MYCBPAP: variants seen among roughly 807,000 people sequenced by gnomAD.
The protein encoded by MYCBPAP is MYCBP-associated protein.
A neutral mutation model predicts 106.1 loss-of-function variants in MYCBPAP; 60 were observed. The observed-to-expected ratio is 0.57, with a 90% CI of 0.46 to 0.70. The LOEUF is 0.70. Ranked by LOEUF, MYCBPAP falls within the 30% of genes least tolerant of loss-of-function variation. The pLI is 0.00. For synonymous variants in MYCBPAP, 407 were observed against 440.6 expected (o/e 0.92, Z 0.95); for missense variants, 1,064 against 1,169.3 (o/e 0.91, Z 1.31).
intron 13 of MYCBPAP, 37 bp downstream of exon 13, chr17:50,525,060 G>A: frequency 6.3e-7 from 1 of 1,587,558 alleles, no homozygotes; most frequent in Admixed American, 1.7e-5. Context: ...CCTCATGTGT[G>A]CCCTGCGTCA....
At chr17:50,510,931 T>C (rs2033823791) in intron 1 of MYCBPAP, among the ~76,000 whole-genome samples, 1 of 151,980 alleles carries the variant, frequency 6.6e-6, no homozygotes, top group African/African-American at 2.4e-5. Flanking sequence ...TTCTGGGAGA[T>C]CGTATCAGAT....
Position 50,519,758 on chromosome 17 carries a change from G to C in MYCBPAP, c.887G>C (p.Arg296Thr). The change falls in exon 7 of 19, where the codon AGG (arginine) becomes ACG (threonine). Residue 296 changes from arginine (R) to threonine (T), a missense_variant. Arg to Thr is a moderately conservative substitution (Grantham distance 71). Transcript: ENST00000323776. ...CTCATGGAGCCCATCACTCACATCA[G>C]GAAGCCCCACTCCATCCGGGTGGAG... ...RGLMEPITHIRKPHSIRVETG... is the reference protein window; with the variant it reads ...RGLMEPITHITKPHSIRVETG... 6.2e-7 allele frequency: 1 copy of C among 1,614,016 alleles called. No individual in the cohort carries two copies. The highest frequency in any genetic ancestry group is 1.7e-5 in the Admixed American group (1 of 60,010).
intron 1 of MYCBPAP, 47 bp downstream of exon 1, chr17:50,508,797 G>A (rs144513622): frequency 3.2e-4 from 485 of 1,530,946 alleles, no homozygotes; most frequent in Middle Eastern, 1.0e-3. Flanking sequence ...GAGAGGGGAA[G>A]CGGTCCCCGG....
intron 9 of MYCBPAP, 59 bp from the exon 10 acceptor site, chr17:50,521,914 T>C: frequency 6.6e-7 from 1 of 1,516,436 alleles, no homozygotes; most frequent in Non-Finnish European, 9.1e-7. Context: ...TTCTGTGGGG[T>C]TCCACATGGC....
chr17:50,526,591 A>AT (rs11313067), intron 14 of MYCBPAP, among the ~76,000 whole-genome samples: 36 of 149,198 alleles, frequency 2.4e-4, no homozygotes, highest in Admixed American at 7.3e-4. Context: ...CACCTGGCTA[A>AT]TTTTTTTTTT....
Position 50,518,632 on chromosome 17 carries a change from G to C in MYCBPAP, c.560G>C (p.Arg187Thr). The change falls in exon 5 of 19, where the codon AGA becomes ACA. Residue 187 changes from arginine to threonine, a missense_variant. Transcript: ENST00000323776. ...SKQKAPKEEK[R>T]PPWAPPPQHN... is the part of the protein sequence containing the mutation. ...CAAAAAGCCCCAAAAGAAGAGAAGA[G>C]ACCTCCCTGGGCCCCACCTCCTCAG... The C allele has an allele frequency of 6.2e-7, 1 of 1,611,574 alleles. No individual in the cohort carries two copies.
At position 50,519,668 on chromosome 17, in the gene MYCBPAP, G is replaced by A. The variant is rs532588398; in HGVS notation, c.797G>A (p.Arg266Gln). ...TGGGAGAACAGTGGGTTCTGGAGTC[G>A]ACTGGAATACTTGGGAGATGAGATG... ...KSWENSGFWS[R>Q]LEYLGDEMTG... is the part of the protein sequence containing the mutation. The change falls in exon 7 of 19, where the codon CGA becomes CAA. Residue 266 changes from arginine (R) to glutamine (Q), a missense_variant. Physicochemically the swap from Arg to Gln is conservative, Grantham distance 43 (BLOSUM62 1). Coordinates refer to ENST00000323776, the MANE Select transcript of MYCBPAP (RefSeq NM_032133.6). 1.1e-5 allele frequency: 18 copies of A among 1,614,074 alleles called. No individual in the cohort carries two copies. The East Asian group carries it at 1.3e-4, about 12-fold the overall frequency.
rs573813290 is a variant in MYCBPAP, at chr17:50,508,472, G to A, written c.-203G>A. 6.2e-5 allele frequency: 89 copies of A among 1,438,680 alleles called. No individual in the cohort carries two copies. The African/African-American group carries it at 8.2e-4, about 13-fold the overall frequency. The allele number at this position is 1,438,680 out of a possible 1,614,324, so 89.1% of individuals were successfully genotyped here. ...CTAGGGGTCCGTCGCTCTTGAAGCC[G>A]CCGGCGGCGGGCGCGTGCGCGGCCC... On this transcript the variant is annotated 5_prime_UTR_variant, in exon 1 of 19. Transcript: ENST00000323776.
rs186223321 is a variant in MYCBPAP at position 50,513,113 on chromosome 17, G to A, written c.77-3457G>A. On this transcript the variant is annotated intron_variant, in intron 1 of 18. Coordinates refer to ENST00000323776, the MANE Select transcript of MYCBPAP (RefSeq NM_032133.6). ...CATGCCTGTAATCCCAACTACTTGGGAGGCTGAGGCAGGAGAATCGCTTGA... is the reference window on the plus strand; with the variant it reads ...CATGCCTGTAATCCCAACTACTTGGAAGGCTGAGGCAGGAGAATCGCTTGA... Among the ~76,000 whole-genome samples the A allele has an allele frequency of 1.5e-3, 225 of 151,874 alleles. 1 individual carries two copies. Among genetic ancestry groups the A allele is most frequent in the African/African-American group, 5.2e-3 (216 of 41,370 alleles).
chr17:50,527,560 C>G (rs1390065566), intron 15 of MYCBPAP, 152 bp downstream of exon 15: 1 of 949,978 alleles, frequency 1.1e-6, no homozygotes, highest in South Asian at 1.7e-5. Flanking sequence ...TTCTGGAACC[C>G]TGCAGTGCCT....
At chr17:50,527,234 A>G in intron 14 of MYCBPAP, 53 bp from the exon 15 acceptor site, 1 of 1,607,788 alleles carries the variant, frequency 6.2e-7, no homozygotes, top group Non-Finnish European at 8.5e-7. Context: ...GCCCTTCACT[A>G]GAGGACACAG....
chr17:50,513,922 C>T (rs1170066360), intron 1 of MYCBPAP, among the ~76,000 whole-genome samples: 1 of 152,206 alleles, frequency 6.6e-6, no homozygotes, highest in Non-Finnish European at 1.5e-5. Flanking sequence ...CGGGGTTCAG[C>T]CGGCAGCCCT....
chr17:50,531,171 A>C (rs1221490137), intron 18 of MYCBPAP, among the ~76,000 whole-genome samples, 156 bp from the exon 19 acceptor site: 3 of 152,246 alleles, frequency 2.0e-5, no homozygotes, highest in Non-Finnish European at 4.4e-5. Context: ...AAATCTGCAA[A>C]ACCAAAAATT....
In MYCBPAP at chr17:50,517,585, A is replaced by T. The variant is rs376131520; in HGVS notation, c.365-10A>T. ...CAGCTTCTTTCCCCTTTCTTCTTTTATCCTCCCAGGTCCCGGTGACAGCTT... is the reference window on the plus strand; with the variant it reads ...CAGCTTCTTTCCCCTTTCTTCTTTTTTCCTCCCAGGTCCCGGTGACAGCTT... On this transcript the variant is annotated splice_polypyrimidine_tract_variant and intron_variant, in intron 3 of 18. Coordinates refer to ENST00000323776, the MANE Select transcript of MYCBPAP (RefSeq NM_032133.6). The T allele has an allele frequency of 2.8e-4, 447 of 1,613,656 alleles. 1 individual carries two copies. Among genetic ancestry groups the T allele is most frequent in the Non-Finnish European group, 3.7e-4 (441 of 1,179,948 alleles).
chr17:50,508,647 G>A lies in MYCBPAP; in HGVS notation c.-28G>A. On this transcript the variant is annotated 5_prime_UTR_variant, in exon 1 of 19. Coordinates refer to ENST00000323776, the MANE Select transcript of MYCBPAP (RefSeq NM_032133.6). ...GGTGTCTCTGGGCCGGCGGTGCAGG[G>A]CAACGTTTCATGGTGCCGGGCGGCA... The A allele has an allele frequency of 1.3e-6, 2 of 1,590,962 alleles. No homozygotes were observed. The highest frequency in any genetic ancestry group is 1.7e-6 in the Non-Finnish European group (2 of 1,166,364).
intron 1 of MYCBPAP, among the ~76,000 whole-genome samples, chr17:50,513,683 G>A (rs943658945): frequency 3.9e-5 from 6 of 152,216 alleles, no homozygotes; most frequent in Admixed American, 6.5e-5. Flanking sequence ...ATCTGGAGAC[G>A]TTTAATCACT....
At chr17:50,527,213 C>T in intron 14 of MYCBPAP, 74 bp from the exon 15 acceptor site, 4 of 1,588,248 alleles carry the variant, frequency 2.5e-6, no homozygotes, top group Non-Finnish European at 3.4e-6. Flanking sequence ...CACCCATCCC[C>T]ACATCACCAT....
intron 18 of MYCBPAP, chr17:50,529,422 A>G: frequency 2.0e-6 from 1 of 492,220 alleles, no homozygotes; most frequent in Non-Finnish European, 3.7e-6. Flanking sequence ...CAGAGGCCTC[A>G]GTGAGGAGGT....
upstream of MYCBPAP, chr17:50,508,429 C>A: frequency 1.0e-6 from 1 of 984,950 alleles, no homozygotes; most frequent in Non-Finnish European, 1.4e-6. Flanking sequence ...GCGTCACAGG[C>A]CGGGCCCGCA....
Sources: allele counts gnomAD v4.1 joint callset (sites outside exome capture counted in the v4.1 genomes callset), GRCh38; gene constraint gnomAD v4.1.1; transcripts MANE v1.5; gene names NCBI Gene and HGNC (gene_info 2026-07-23, HGNC 2026-07-21).